The following GIPC2 variants were observed in gnomAD, a reference collection of about 807,000 sequenced individuals.
GIPC2 encodes the protein PDZ domain-containing protein GIPC2.
A neutral mutation model predicts 30.6 loss-of-function variants in GIPC2; 30 were observed. The observed-to-expected ratio is 0.98, with a 90% CI of 0.73 to 1.33. The LOEUF is 1.33. Among genes scored for constraint, GIPC2 ranks in the 40% most tolerant of loss-of-function variants. GIPC2 has a pLI of 0.00. For synonymous variants in GIPC2, 167 were observed against 150.0 expected (o/e 1.11, Z -0.83); for missense variants, 414 against 390.3 (o/e 1.06, Z -0.51).
chr1:78,090,174 T>TTTAA (rs952399986), intron 2 of GIPC2, among the ~76,000 whole-genome samples: 1 of 152,158 alleles, frequency 6.6e-6, no homozygotes, highest in Non-Finnish European at 1.5e-5. Flanking sequence ...AGACTTGTAC[T>TTTAA]TTAATTAATT....
intron 4 of GIPC2, among the ~76,000 whole-genome samples, chr1:78,122,984 G>T (rs1385724392): frequency 6.6e-6 from 1 of 152,122 alleles, no homozygotes; most frequent in East Asian, 1.9e-4. Context: ...AGAAGGCTGG[G>T]TGCAGTAGCT....
Sources: gnomAD v4.1 joint callset for allele counts (sites outside exome capture counted in the v4.1 genomes callset) on GRCh38, gnomAD v4.1.1 for gene constraint, MANE v1.5 for transcripts, NCBI Gene and HGNC (gene_info 2026-07-23, HGNC 2026-07-21) for gene names.